Variants in PTPRM observed in about 807,000 individuals in gnomAD.
PTPRM encodes the protein protein tyrosine phosphatase receptor type M.
A neutral mutation model predicts 186.7 loss-of-function variants in PTPRM; 47 were observed. The ratio of observed to expected loss-of-function variants is 0.25; its 90% CI spans 0.20 to 0.32. The LOEUF (loss-of-function observed/expected upper bound fraction) is 0.32. PTPRM is among the 10% of genes least tolerant of loss of function. The probability of loss-of-function intolerance (pLI) is 1.00; values close to 1 mark genes in which losing one functional copy is unlikely to be tolerated. For synonymous variants in PTPRM, 668 were observed against 674.9 expected (o/e 0.99, Z 0.16); for missense variants, 1,494 against 1,865.0 (o/e 0.80, Z 3.66).
intron 32 of PTPRM, among the ~76,000 whole-genome samples, chr18:8,401,444 G>A (rs945637475): frequency 6.6e-6 from 1 of 152,220 alleles, no homozygotes; most frequent in African/African-American, 2.4e-5. Context: ...ACTGAACTGA[G>A]GGATCCCACC....
intron 14 of PTPRM, among the ~76,000 whole-genome samples, chr18:8,216,225 A>G (rs1277217104): frequency 6.6e-6 from 1 of 152,014 alleles, no homozygotes; most frequent in Non-Finnish European, 1.5e-5. Context: ...CGTTTTTCCA[A>G]CAAGATTGTC....
At chr18:7,936,660 A>T (rs549661547) in intron 5 of PTPRM, among the ~76,000 whole-genome samples, 151 of 152,206 alleles carry the variant, frequency 9.9e-4, no homozygotes, top group Non-Finnish European at 1.7e-3. Flanking sequence ...CAGATGGGGG[A>T]GTTCCCCGGT....
At position 8,063,232 on chromosome 18, in the gene PTPRM, C is replaced by T. The variant is rs545855470; in HGVS notation, c.1133-6454C>T. On this transcript the variant is annotated intron_variant, in intron 7 of 32. Transcript: ENST00000580170. ...AGTGACCCGATTTTCCAGGTGCGCC[C>T]GTCACCCCTTTCTTTGACTCGGAAA... Among the ~76,000 whole-genome samples the T allele has an allele frequency of 1.4e-3, 207 of 151,134 alleles. 2 individuals carry two copies. Among genetic ancestry groups the T allele is most frequent in the African/African-American group, 4.5e-3 (181 of 40,584 alleles).
At chr18:7,855,434 T>C (rs2047051208) in intron 2 of PTPRM, among the ~76,000 whole-genome samples, 1 of 152,204 alleles carries the variant, frequency 6.6e-6, no homozygotes, top group Non-Finnish European at 1.5e-5. Context: ...TTTTGGCTCC[T>C]TCTCTTTGTG....
chr18:8,158,350 T>C lies in PTPRM; in HGVS notation c.2300+14571T>C, dbSNP rs571476159. 7.9e-5 allele frequency among the ~76,000 whole-genome samples: 12 copies of C among 152,308 alleles called. No homozygotes were observed. The South Asian group carries it at 2.3e-3, about 29-fold the overall frequency. On this transcript the variant is annotated intron_variant, in intron 14 of 32. Transcript: ENST00000580170. ...ATCTTTACTGGGTGTGTGTTTTGAT[T>C]CATGTTGATGTGACTTCACTTTCTA... is the stretch of plus-strand genomic sequence containing the variant.
At chr18:7,626,243 T>C (rs1170784829) in intron 1 of PTPRM, among the ~76,000 whole-genome samples, 1 of 152,246 alleles carries the variant, frequency 6.6e-6, no homozygotes, top group Non-Finnish European at 1.5e-5. Flanking sequence ...TCAGGTAATA[T>C]GACATAGGAA....
chr18:8,089,338 C>A (rs1387733447), intron 11 of PTPRM, among the ~76,000 whole-genome samples: 1 of 152,104 alleles, frequency 6.6e-6, no homozygotes, highest in South Asian at 2.1e-4. Flanking sequence ...TTGGAAAGAA[C>A]ATTGTGAAGT....
chr18:8,148,756 T>C (rs2092938985), intron 14 of PTPRM, among the ~76,000 whole-genome samples: 1 of 152,242 alleles, frequency 6.6e-6, no homozygotes, highest in South Asian at 2.1e-4. Flanking sequence ...GTATCAACTT[T>C]CGATCTTTCC....
At chr18:8,080,250 C>T (rs956185478) in intron 9 of PTPRM, among the ~76,000 whole-genome samples, 16 of 152,036 alleles carry the variant, frequency 1.1e-4, no homozygotes, top group Non-Finnish European at 5.9e-5. Flanking sequence ...ATTAGTAATA[C>T]TCCCCAATGT....
chr18:7,800,684 A>G (rs1438406577), intron 2 of PTPRM, among the ~76,000 whole-genome samples: 1 of 152,212 alleles, frequency 6.6e-6, no homozygotes, highest in Non-Finnish European at 1.5e-5. Context: ...TTTTAATAGC[A>G]GGGATACATT....
At chr18:8,153,938 CCTT>C (rs905500424) in intron 14 of PTPRM, among the ~76,000 whole-genome samples, 2 of 152,196 alleles carry the variant, frequency 1.3e-5, no homozygotes, top group African/African-American at 2.4e-5. Flanking sequence ...TCTCTGAAGA[CCTT>C]CTCAATTCCA....
At chr18:8,264,811 C>CA (rs1005784553) in intron 19 of PTPRM, among the ~76,000 whole-genome samples, 9 of 150,904 alleles carry the variant, frequency 6.0e-5, no homozygotes, top group African/African-American at 2.2e-4. Flanking sequence ...CACCTACACA[C>CA]ACAGCACACA....
chr18:7,588,871 C>G (rs1471820492), intron 1 of PTPRM, among the ~76,000 whole-genome samples: 2 of 152,096 alleles, frequency 1.3e-5, no homozygotes, highest in Non-Finnish European at 2.9e-5. Flanking sequence ...TAGTACATTG[C>G]TTTACTTTTG....
chr18:8,297,548 G>A (rs72916849), intron 20 of PTPRM, among the ~76,000 whole-genome samples: 4,654 of 152,326 alleles, frequency 0.031, 105 homozygotes, highest in South Asian at 0.064. Context: ...GAATATGGCC[G>A]TACGACTGAG....
chr18:8,274,665 C>T (rs1409033233), intron 19 of PTPRM, among the ~76,000 whole-genome samples: 3 of 152,206 alleles, frequency 2.0e-5, no homozygotes, highest in Non-Finnish European at 4.4e-5. Context: ...CCCATGAGAA[C>T]TCTCAGAAAT....
intron 23 of PTPRM, among the ~76,000 whole-genome samples, chr18:8,348,607 C>T (rs886676948): frequency 6.6e-6 from 1 of 152,186 alleles, no homozygotes; most frequent in African/African-American, 2.4e-5. Flanking sequence ...TTAATCCAGT[C>T]GCCTGTTTCC....
Position 7,888,275 on chromosome 18 carries a change from C to G in PTPRM, c.366C>G (p.Asn122Lys). 6.2e-7 allele frequency: 1 copy of G among 1,614,116 alleles called. No homozygotes were observed. The change falls in exon 3 of 33, where the codon AAC (asparagine) becomes AAG (lysine). Residue 122 changes from asparagine to lysine, a missense_variant. Asn to Lys is a moderately conservative substitution (Grantham distance 94, BLOSUM62 0). This residue lies in a region of PTPRM where 296 missense variants were observed against 345.5 expected (regional missense o/e 0.86). Coordinates refer to ENST00000580170, the MANE Select transcript of PTPRM (RefSeq NM_001105244.2). ...TCAATGTCTACGTGAAGGTCAATAA[C>G]GGGCCACTGGGGAATCCTATCTGGA... Reference protein sequence around the residue: ...GLLNVYVKVNNGPLGNPIWNI... With the variant: ...GLLNVYVKVNKGPLGNPIWNI...
chr18:8,043,483 G>T (rs1482598775), intron 7 of PTPRM, among the ~76,000 whole-genome samples: 2 of 152,048 alleles, frequency 1.3e-5, no homozygotes, highest in African/African-American at 4.8e-5. Flanking sequence ...TTTATTATAT[G>T]CTTGCTATTC....
intron 4 of PTPRM, 85 bp from the exon 5 acceptor site, chr18:7,926,483 C>A: frequency 1.0e-6 from 1 of 995,216 alleles, no homozygotes. Context: ...AATTGAAAGG[C>A]CAAAAATTTC....
Sources: allele counts gnomAD v4.1 joint callset (sites outside exome capture counted in the v4.1 genomes callset), GRCh38; gene constraint gnomAD v4.1.1; regional missense constraint gnomAD v4.1.1; transcripts MANE v1.5; gene names NCBI Gene and HGNC (gene_info 2026-07-23, HGNC 2026-07-21).